LRRFIP1: variants seen among roughly 807,000 people sequenced by gnomAD.
The protein encoded by LRRFIP1 is LRR binding FLII interacting protein 1.
Under a neutral mutation model 104.4 loss-of-function variants are expected in LRRFIP1, and 62 were observed. The observed-to-expected ratio is 0.59, with a 90% CI of 0.48 to 0.73. The LOEUF is 0.73. Ranked by LOEUF, LRRFIP1 falls within the 30% of genes least tolerant of loss-of-function variation. The pLI, the probability that LRRFIP1 is intolerant of heterozygous loss-of-function variation, is 0.00. For missense variants in LRRFIP1, 796 were observed against 824.5 expected, an observed-to-expected ratio of 0.97 and a Z score of 0.42; for synonymous variants, 300 against 299.0, an observed-to-expected ratio of 1.00 and a Z score of -0.03.
At chr2:237,700,112 C>T (rs112816126) in intron 1 of LRRFIP1, among the ~76,000 whole-genome samples, 16 of 152,214 alleles carry the variant, frequency 1.1e-4, no homozygotes, top group African/African-American at 3.6e-4. Flanking sequence ...GAACATCACC[C>T]GGCCCACTTG....
intron 1 of LRRFIP1, among the ~76,000 whole-genome samples, chr2:237,633,204 A>G (rs929805115): frequency 2.6e-5 from 4 of 152,202 alleles, no homozygotes; most frequent in African/African-American, 9.6e-5. Flanking sequence ...CCAAACACCC[A>G]TCTTGGCAGA....
At position 237,760,089 on chromosome 2, in the gene LRRFIP1, A is replaced by G. The variant is rs142556195; in HGVS notation, c.1343A>G (p.Glu448Gly). The change falls in exon 19 of 24, where the codon GAA becomes GGA. Residue 448 changes from glutamate to glycine, a missense_variant. Glu to Gly is a moderately conservative substitution (Grantham distance 98). Transcript: ENST00000308482. Reference protein sequence around the residue: ...LKKHGIILNSEIATNGETSDT... With the variant: ...LKKHGIILNSGIATNGETSDT... Reference sequence around the variant, plus strand: ...AAACATGGAATAATCCTAAATTCAGAAATAGCTACCAATGGAGAGACTTCC... The same window carrying G: ...AAACATGGAATAATCCTAAATTCAGGAATAGCTACCAATGGAGAGACTTCC... The G allele has an allele frequency of 2.1e-4, 331 of 1,613,802 alleles. 1 individual carries two copies. The African/African-American group carries it at 4.1e-3, about 20-fold the overall frequency.
intron 11 of LRRFIP1, among the ~76,000 whole-genome samples, chr2:237,741,361 C>G (rs1403972763): frequency 6.6e-6 from 1 of 152,202 alleles, no homozygotes; most frequent in Non-Finnish European, 1.5e-5. Flanking sequence ...GGCCAGCCCC[C>G]AAGGCTGTGT....
At chr2:237,645,489 A>G (rs1575107645) in intron 1 of LRRFIP1, among the ~76,000 whole-genome samples, 1 of 151,914 alleles carries the variant, frequency 6.6e-6, no homozygotes, top group East Asian at 1.9e-4. Context: ...CCGACTTGCC[A>G]CCGCCAAAGC....
Position 237,719,680 on chromosome 2 carries a change from TAAAG to T in LRRFIP1, c.294+117_294+120del, listed in dbSNP as rs377664856. On this transcript the variant is annotated intron_variant, in intron 5 of 23. Transcript: ENST00000308482. ...ATCTCTTAATGATGATATCATCTCT[TAAAG>T]AAATTAACTAATACTATTAATGATA... 4,885 of 641,394 alleles carry T rather than the reference TAAAG, an allele frequency of 7.6e-3. 34 individuals are homozygous for T. The highest frequency in any genetic ancestry group is 0.02 in the Middle Eastern group (47 of 2,362). 39.7% of individuals were successfully genotyped at this position (641,394 alleles called of 1,614,324 possible). A position where few individuals can be genotyped will look rare whatever the true frequency, so the allele number is the denominator to read the frequency against.
At chr2:237,628,989 C>G (rs1459789680) in intron 1 of LRRFIP1, among the ~76,000 whole-genome samples, 1 of 152,206 alleles carries the variant, frequency 6.6e-6, no homozygotes, top group African/African-American at 2.4e-5. Context: ...CAGACTCAGC[C>G]CTCTCACATC....
chr2:237,693,670 G>C (rs1032036384), intron 1 of LRRFIP1, among the ~76,000 whole-genome samples: 2 of 152,154 alleles, frequency 1.3e-5, no homozygotes, highest in Admixed American at 1.3e-4. Flanking sequence ...GTGGTTGAGC[G>C]GTGCCAGTGT....
At chr2:237,771,987 A>T in intron 20 of LRRFIP1, 94 bp from the exon 21 acceptor site, 3 of 793,662 alleles carry the variant, frequency 3.8e-6, no homozygotes, top group Non-Finnish European at 6.4e-6. Flanking sequence ...CTGTCATTTG[A>T]CATGCTGCTT....
At chr2:237,758,223 AGTGTGTGT>A (rs138141222) in intron 17 of LRRFIP1, among the ~76,000 whole-genome samples, 1 of 149,632 alleles carries the variant, frequency 6.7e-6, no homozygotes, top group African/African-American at 2.5e-5. Flanking sequence ...AGCACTTAGG[AGTGTGTGT>A]GTGTGTGTGT....
intron 11 of LRRFIP1, among the ~76,000 whole-genome samples, chr2:237,747,160 G>T (rs1036041657): frequency 2.0e-5 from 3 of 152,242 alleles, no homozygotes; most frequent in African/African-American, 7.2e-5. Flanking sequence ...TGAGCTAAGA[G>T]CTGGTCTTGG....
At chr2:237,690,747 AAAAG>A (rs199671596) in intron 1 of LRRFIP1, among the ~76,000 whole-genome samples, 13 of 151,812 alleles carry the variant, frequency 8.6e-5, no homozygotes, top group East Asian at 3.9e-4. Context: ...AAAAAAAAAA[AAAAG>A]AAAGAAAGAA....
chr2:237,698,868 C>G (rs979647682), intron 1 of LRRFIP1, among the ~76,000 whole-genome samples: 3 of 152,196 alleles, frequency 2.0e-5, no homozygotes, highest in African/African-American at 7.2e-5. Flanking sequence ...TTTACAAGTT[C>G]CTTAACTTCC....
Position 237,780,655 on chromosome 2 carries a change from C to A in LRRFIP1, c.*1123C>A, listed in dbSNP as rs540971392. On this transcript the variant is annotated 3_prime_UTR_variant, in exon 24 of 24. Coordinates refer to ENST00000308482, the MANE Select transcript of LRRFIP1 (RefSeq NM_001137550.2). The stretch of plus-strand genomic sequence containing the variant: ...GGACGTTAGCAAGTGGAAACTGAGT[C>A]AGTATCATCCAAAACCATATCTAGT... Among the ~76,000 whole-genome samples, 1 of 152,304 alleles carries A rather than the reference C, an allele frequency of 6.6e-6. No individual in the cohort carries two copies. The highest frequency in any genetic ancestry group is 2.1e-4 in the South Asian group (1 of 4,828).
Position 237,764,729 on chromosome 2 carries a change from T to A in LRRFIP1, c.1459+4524T>A, listed in dbSNP as rs1206783283. 3 of 986,544 alleles carry A rather than the reference T, an allele frequency of 3.0e-6. No individual in the cohort carries two copies. In the African/African-American group the frequency reaches 5.2e-5, roughly 17 times the overall value. The allele number at this position is 986,544 out of a possible 1,614,324, so 61.1% of individuals were successfully genotyped here. A position where few individuals can be genotyped will look rare whatever the true frequency, so the allele number is the denominator to read the frequency against. ...AATCATTTTAAGGATAACAAGTAAA[T>A]GTCTGAAAGCATGAGGGGCTTTATT... On this transcript the variant is annotated intron_variant, in intron 19 of 23. Transcript: ENST00000308482.
intron 17 of LRRFIP1, among the ~76,000 whole-genome samples, 178 bp from the exon 18 acceptor site, chr2:237,758,551 A>T (rs942184344): frequency 3.3e-5 from 5 of 152,232 alleles, no homozygotes; most frequent in Non-Finnish European, 5.9e-5. Flanking sequence ...TGGATTATAT[A>T]TACTAAGCGA....
chr2:237,773,757 A>G (rs943144577), intron 22 of LRRFIP1: 6 of 152,412 alleles, frequency 3.9e-5, no homozygotes, highest in African/African-American at 1.4e-4. Flanking sequence ...TTCCCCCTCC[A>G]TTGTGGGTGT....
At chr2:237,672,921 T>C (rs774201940) in intron 1 of LRRFIP1, among the ~76,000 whole-genome samples, 3 of 152,216 alleles carry the variant, frequency 2.0e-5, no homozygotes, top group Non-Finnish European at 4.4e-5. Context: ...TTTGGCGTCT[T>C]ATATAGATGG....
At chr2:237,672,954 G>A (rs974122662) in intron 1 of LRRFIP1, among the ~76,000 whole-genome samples, 1 of 152,126 alleles carries the variant, frequency 6.6e-6, no homozygotes, top group East Asian at 1.9e-4. Context: ...CATTCTTCAC[G>A]AAGCATGAGA....
chr2:237,666,765 C>A (rs1468967388), intron 1 of LRRFIP1, among the ~76,000 whole-genome samples: 1 of 142,996 alleles, frequency 7.0e-6, no homozygotes, highest in Non-Finnish European at 1.5e-5. Context: ...CTCTTTCTTT[C>A]TCTCTTTCTC....
Sources: allele counts gnomAD v4.1 joint callset (sites outside exome capture counted in the v4.1 genomes callset), GRCh38; gene constraint gnomAD v4.1.1; transcripts MANE v1.5; gene names NCBI Gene and HGNC (gene_info 2026-07-23, HGNC 2026-07-21).